CORIN: variants seen among roughly 807,000 people sequenced by gnomAD.
The protein encoded by CORIN is atrial natriuretic peptide-converting enzyme.
A neutral mutation model predicts 125.3 loss-of-function variants in CORIN; 117 were observed. The observed-to-expected ratio is 0.93, with a 90% CI of 0.80 to 1.09. The LOEUF is 1.09. Among genes scored for constraint, CORIN ranks in the 50% least tolerant of loss-of-function variants. The pLI, the probability that CORIN is intolerant of heterozygous loss-of-function variation, is 0.00. For synonymous variants in CORIN, 450 were observed against 466.4 expected (o/e 0.96, Z 0.45); for missense variants, 1,253 against 1,306.7 (o/e 0.96, Z 0.63).
chr4:47,709,139 A>C (rs902610767), intron 5 of CORIN, among the ~76,000 whole-genome samples: 1 of 152,194 alleles, frequency 6.6e-6, no homozygotes, highest in Non-Finnish European at 1.5e-5. Flanking sequence ...AATATATTTC[A>C]GGACAAAAAA....
chr4:47,705,625 C>A (rs6854441), intron 5 of CORIN, among the ~76,000 whole-genome samples: 7,897 of 152,196 alleles, frequency 0.052, 698 homozygotes, highest in African/African-American at 0.18. Context: ...ATTGATCAAT[C>A]GGTTGATTTT....
intron 4 of CORIN, among the ~76,000 whole-genome samples, chr4:47,759,590 T>C (rs1402747523): frequency 1.3e-5 from 2 of 152,056 alleles, no homozygotes; most frequent in Non-Finnish European, 2.9e-5. Flanking sequence ...GACATATAAA[T>C]GGCCAACAGG....
chr4:47,827,523 A>C (rs1732795344), intron 1 of CORIN, among the ~76,000 whole-genome samples: 1 of 152,086 alleles, frequency 6.6e-6, no homozygotes, highest in South Asian at 2.1e-4. Context: ...ATGTCTATGC[A>C]CCTCTGCACC....
intron 4 of CORIN, among the ~76,000 whole-genome samples, chr4:47,762,222 T>G (rs1729499059): frequency 6.6e-6 from 1 of 152,140 alleles, no homozygotes; most frequent in South Asian, 2.1e-4. Flanking sequence ...TATTTGTTAA[T>G]CAGCTAGATT....
chr4:47,603,321 T>G, intron 20 of CORIN, 76 bp downstream of exon 20: 1 of 1,472,178 alleles, frequency 6.8e-7, no homozygotes, highest in Non-Finnish European at 9.3e-7. Flanking sequence ...TCAATTAAAC[T>G]TCTTTCCTTT....
chr4:47,776,881 C>A (rs1237497989), intron 3 of CORIN, among the ~76,000 whole-genome samples: 2 of 151,884 alleles, frequency 1.3e-5, no homozygotes, highest in South Asian at 2.1e-4. Context: ...CAGGATAGAC[C>A]TTTAAATTAA....
intron 5 of CORIN, among the ~76,000 whole-genome samples, chr4:47,721,125 C>T (rs535115548): frequency 5.6e-4 from 85 of 152,154 alleles, no homozygotes; most frequent in African/African-American, 1.9e-3. Flanking sequence ...GCCCTCTTCC[C>T]GGTTTAGTCC....
chr4:47,697,186 ACTT>A (rs1726056506), intron 5 of CORIN, among the ~76,000 whole-genome samples: 1 of 152,198 alleles, frequency 6.6e-6, no homozygotes, highest in Non-Finnish European at 1.5e-5. Flanking sequence ...ATACAAGAAT[ACTT>A]CTTGGGGAGA....
At chr4:47,773,394 T>C (rs1052904934) in intron 3 of CORIN, among the ~76,000 whole-genome samples, 2 of 152,204 alleles carry the variant, frequency 1.3e-5, no homozygotes, top group Admixed American at 6.5e-5. Flanking sequence ...GAATCTCATT[T>C]AGTAATAGTT....
intron 1 of CORIN, among the ~76,000 whole-genome samples, chr4:47,822,111 A>G (rs1299676107): frequency 3.3e-5 from 5 of 152,246 alleles, no homozygotes; most frequent in Admixed American, 3.3e-4. Context: ...CTTAGGGTAG[A>G]TTTTTTAAAA....
intron 5 of CORIN, among the ~76,000 whole-genome samples, chr4:47,712,874 A>C (rs1333882187): frequency 2.0e-5 from 3 of 152,228 alleles, no homozygotes; most frequent in Non-Finnish European, 4.4e-5. Flanking sequence ...AATTCAGTAC[A>C]TGAGAGAAAC....
At chr4:47,659,058 T>A (rs1277797161) in intron 12 of CORIN, among the ~76,000 whole-genome samples, 3 of 152,236 alleles carry the variant, frequency 2.0e-5, no homozygotes. Flanking sequence ...ATAAACAGAA[T>A]GCAGCCAAAC....
At chr4:47,632,961 TG>T (rs1436378862) in intron 16 of CORIN, among the ~76,000 whole-genome samples, 1 of 152,110 alleles carries the variant, frequency 6.6e-6, no homozygotes, top group Non-Finnish European at 1.5e-5. Flanking sequence ...TTGTACTTTT[TG>T]GTGGAGGTGG....
rs115180139 is a variant in CORIN at position 47,813,017 on chromosome 4, A to C, written c.64-5970T>G. On this transcript the variant is annotated intron_variant, in intron 1 of 21. Transcript: ENST00000273857. ...GTGTACACCTGTTGACTACCGCACA[A>C]CTCCTTACACCTTGGAATCAGATCA... Among the ~76,000 whole-genome samples the C allele has an allele frequency of 8.9e-3, 1,359 of 152,128 alleles. 19 individuals carry two copies. Among genetic ancestry groups the C allele is most frequent in the African/African-American group, 0.031 (1,287 of 41,488 alleles).
Position 47,595,691 on chromosome 4 carries a change from G to A in CORIN, c.*30C>T. ...AAGAAGGCCATTTTCTTTTAGTGTA[G>A]CTGGCAAAAGTCTCTGATCATCCTT... is the stretch of plus-strand genomic sequence containing the variant. On this transcript the variant is annotated 3_prime_UTR_variant, in exon 22 of 22. Transcript: ENST00000273857. 2 of 1,552,830 alleles carry A rather than the reference G, an allele frequency of 1.3e-6. No individual in the cohort carries two copies. The highest frequency in any genetic ancestry group is 1.7e-6 in the Non-Finnish European group (2 of 1,148,204).
chr4:47,837,597 G>A (rs756401745), intron 1 of CORIN: 12 of 541,938 alleles, frequency 2.2e-5, no homozygotes, highest in Middle Eastern at 4.9e-4. Context: ...GGAGACCGGG[G>A]TCTCCGGATC....
intron 3 of CORIN, among the ~76,000 whole-genome samples, chr4:47,775,505 A>G (rs544586612): frequency 2.6e-4 from 40 of 152,246 alleles, no homozygotes; most frequent in Admixed American, 7.2e-4. Context: ...TGCTGAGAAT[A>G]ATGGTTTCCA....
intron 4 of CORIN, among the ~76,000 whole-genome samples, chr4:47,757,882 A>G (rs1207832863): frequency 2.9e-4 from 40 of 137,378 alleles, no homozygotes; most frequent in South Asian, 1.3e-3. Context: ...ATATATGTAT[A>G]TATATATATA....
chr4:47,682,678 A>G (rs1026385604), intron 7 of CORIN: 1 of 152,214 alleles, frequency 6.6e-6, no homozygotes. Flanking sequence ...TGATTTGATC[A>G]TTACATATTG....
Sources: gnomAD v4.1 joint callset for allele counts (sites outside exome capture counted in the v4.1 genomes callset) on GRCh38, gnomAD v4.1.1 for gene constraint, MANE v1.5 for transcripts, NCBI Gene and HGNC (gene_info 2026-07-23, HGNC 2026-07-21) for gene names.